LHFPL3: variants seen among roughly 807,000 people sequenced by gnomAD.
LHFPL3 encodes the protein LHFPL tetraspan subfamily member 3, also known as LHFPL tetraspan subfamily member 3 protein.
Under a neutral mutation model 19.3 loss-of-function variants are expected in LHFPL3, and 5 were observed. That is an observed-to-expected ratio of 0.26 (90% CI 0.14 to 0.54). The LOEUF (loss-of-function observed/expected upper bound fraction) is 0.54. LHFPL3 is among the 20% of genes least tolerant of loss of function. LHFPL3 has a pLI of 0.94. For synonymous variants in LHFPL3, 133 were observed against 126.2 expected (o/e 1.05, Z -0.36); for missense variants, 249 against 307.4 (o/e 0.81, Z 1.42).
At position 104,426,049 on chromosome 7, in the gene LHFPL3, C is replaced by T. The variant is rs79294635; in HGVS notation, c.445+96825C>T. 8.5e-3 allele frequency among the ~76,000 whole-genome samples: 1,293 copies of T among 152,316 alleles called. 23 individuals are homozygous for T. The highest frequency in any genetic ancestry group is 0.029 in the African/African-American group (1,218 of 41,560). ...AATGGCAAAATTATAGCTTCAAACA[C>T]ACACAGTAGTGTAAAATGTTCCCGT... On this transcript the variant is annotated intron_variant, in intron 1 of 2. Transcript: ENST00000424859.
chr7:104,902,403 A>C (rs1792504754), intron 2 of LHFPL3, among the ~76,000 whole-genome samples: 1 of 150,936 alleles, frequency 6.6e-6, no homozygotes, highest in African/African-American at 2.4e-5. Flanking sequence ...AAGAGGAGGA[A>C]GAGGAGGAGG....
Position 104,837,579 on chromosome 7 carries a change from G to A in LHFPL3, c.683-68608G>A, listed in dbSNP as rs75155177. On this transcript the variant is annotated intron_variant, in intron 2 of 2. Coordinates refer to ENST00000424859, the MANE Select transcript of LHFPL3 (RefSeq NM_199000.3). Reference sequence around the variant, plus strand: ...AACTGAGCCTTGAGGAGGTTGAGTAGTTCACCTGAGGACACACAGCTAGAA... The same window carrying A: ...AACTGAGCCTTGAGGAGGTTGAGTAATTCACCTGAGGACACACAGCTAGAA... 2.2e-3 allele frequency among the ~76,000 whole-genome samples: 331 copies of A among 152,290 alleles called. 5 individuals are homozygous for A. In the East Asian group the frequency reaches 0.035, roughly 16 times the overall value.
At chr7:104,896,238 A>G (rs370143003) in intron 2 of LHFPL3, among the ~76,000 whole-genome samples, 5 of 152,134 alleles carry the variant, frequency 3.3e-5, no homozygotes, top group African/African-American at 2.4e-5. Flanking sequence ...CTTTCAGTAA[A>G]CACCAGGGGT....
intron 1 of LHFPL3, among the ~76,000 whole-genome samples, chr7:104,732,403 C>A (rs1180135869): frequency 6.6e-6 from 1 of 152,052 alleles, no homozygotes; most frequent in East Asian, 1.9e-4. Flanking sequence ...AATGACAGAG[C>A]CTGTTATTGG....
In LHFPL3 at chr7:104,906,670, A is replaced by C. The variant is rs1792621962; in HGVS notation, c.*455A>C. On this transcript the variant is annotated 3_prime_UTR_variant, in exon 3 of 3. Transcript: ENST00000424859. ...CTAAATTATTCCTATCTCAATAGCCAAGAGGCTGATCAAGCGTCATTTATT... is the reference window on the plus strand; with the variant it reads ...CTAAATTATTCCTATCTCAATAGCCCAGAGGCTGATCAAGCGTCATTTATT... The C allele has an allele frequency of 6.4e-6, 1 of 155,164 alleles. No individual in the cohort carries two copies. The highest frequency in any genetic ancestry group is 1.4e-5 in the Non-Finnish European group (1 of 69,842). 9.6% of individuals were successfully genotyped at this position (155,164 alleles called of 1,614,324 possible).
rs1230759231 is a variant in LHFPL3, at chr7:104,608,082, C to G, written c.446-128593C>G. On this transcript the variant is annotated intron_variant, in intron 1 of 2. Transcript: ENST00000424859. ...ACTAGTTCAACCATTGTGGAAGTCA[C>G]TGCGGCGATTCCTCAGGGATCTAGA... 5.2e-3 allele frequency among the ~76,000 whole-genome samples: 792 copies of G among 152,150 alleles called. 15 individuals are homozygous for G. The highest frequency in any genetic ancestry group is 0.035 in the Admixed American group (531 of 15,224).
At chr7:104,354,824 G>A (rs532249781) in intron 1 of LHFPL3, among the ~76,000 whole-genome samples, 53 of 152,188 alleles carry the variant, frequency 3.5e-4, no homozygotes, top group Middle Eastern at 3.4e-3. Flanking sequence ...GGTGAAAGGA[G>A]ATGAGTGAAA....
At chr7:104,873,961 T>C (rs529595736) in intron 2 of LHFPL3, among the ~76,000 whole-genome samples, 26 of 152,348 alleles carry the variant, frequency 1.7e-4, no homozygotes, top group African/African-American at 6.3e-4. Context: ...ACTGGAGGGC[T>C]GGTAGTGAAG....
intron 1 of LHFPL3, among the ~76,000 whole-genome samples, chr7:104,558,541 G>A (rs1439494073): frequency 2.0e-5 from 3 of 151,666 alleles, no homozygotes; most frequent in Non-Finnish European, 4.4e-5. Context: ...TTTTTTTCTT[G>A]TAAATTTGTT....
Position 104,906,237 on chromosome 7 carries a change from A to G in LHFPL3, c.*22A>G. 15 of 1,603,224 alleles carry G rather than the reference A, an allele frequency of 9.4e-6. No homozygotes were observed. The highest frequency in any genetic ancestry group is 1.3e-5 in the Non-Finnish European group (15 of 1,174,318). ...ATGAGCACAAAACAAATCGAATAACAGCTAAACAAATCGAATAACAGCTAA... is the reference window on the plus strand; with the variant it reads ...ATGAGCACAAAACAAATCGAATAACGGCTAAACAAATCGAATAACAGCTAA... On this transcript the variant is annotated 3_prime_UTR_variant, in exon 3 of 3. Transcript: ENST00000424859.
intron 1 of LHFPL3, among the ~76,000 whole-genome samples, chr7:104,360,694 C>CTT (rs1790373800): frequency 6.9e-6 from 1 of 144,350 alleles, no homozygotes; most frequent in African/African-American, 2.6e-5. Context: ...AAAGTGCTTC[C>CTT]GTGTGTGTGT....
intron 2 of LHFPL3, among the ~76,000 whole-genome samples, chr7:104,828,389 C>T (rs925880183): frequency 4.6e-5 from 7 of 151,954 alleles, no homozygotes; most frequent in African/African-American, 1.7e-4. Context: ...AAAAGCCTCA[C>T]AGGATGGAAA....
intron 2 of LHFPL3, among the ~76,000 whole-genome samples, chr7:104,869,498 C>T (rs1791791633): frequency 1.3e-5 from 2 of 152,122 alleles, no homozygotes; most frequent in South Asian, 4.1e-4. Context: ...AAATGCTCAT[C>T]ATCACTGGCC....
chr7:104,904,959 A>T (rs1219552233), intron 2 of LHFPL3, among the ~76,000 whole-genome samples: 1 of 152,082 alleles, frequency 6.6e-6, no homozygotes, highest in African/African-American at 2.4e-5. Flanking sequence ...AAGAAACAAA[A>T]TTTTTTGTGT....
intron 2 of LHFPL3, among the ~76,000 whole-genome samples, chr7:104,881,414 T>C (rs1474599975): frequency 1.3e-5 from 2 of 152,180 alleles, no homozygotes; most frequent in Non-Finnish European, 2.9e-5. Flanking sequence ...AAGGATGACT[T>C]TGAGTCTTGA....
In LHFPL3 at chr7:104,378,029, G is replaced by A. The variant is rs568178253; in HGVS notation, c.445+48805G>A. ...TTTAAAAAACAAAAAACAAAAAACA[G>A]CTCTCTTGAGGTAGAATTTATATAC... On this transcript the variant is annotated intron_variant, in intron 1 of 2. Transcript: ENST00000424859. 2.6e-5 allele frequency among the ~76,000 whole-genome samples: 4 copies of A among 152,222 alleles called. No homozygotes were observed. The East Asian group carries it at 7.7e-4, about 29-fold the overall frequency.
At chr7:104,455,822 CTATT>C (rs1263329772) in intron 1 of LHFPL3, among the ~76,000 whole-genome samples, 1 of 152,132 alleles carries the variant, frequency 6.6e-6, no homozygotes, top group Non-Finnish European at 1.5e-5. Flanking sequence ...AATATTAAGA[CTATT>C]TGTAAGAAAA....
chr7:104,747,138 A>G (rs895039979), intron 2 of LHFPL3, among the ~76,000 whole-genome samples: 10 of 152,250 alleles, frequency 6.6e-5, no homozygotes, highest in Non-Finnish European at 1.5e-4. Flanking sequence ...TTATTCCTTT[A>G]CAACATTTAT....
intron 1 of LHFPL3, among the ~76,000 whole-genome samples, chr7:104,435,184 C>A (rs1167733270): frequency 6.6e-6 from 1 of 152,050 alleles, no homozygotes; most frequent in East Asian, 1.9e-4. Context: ...GCTCTGTAAC[C>A]CAGGCTGCAG....
Sources: allele counts gnomAD v4.1 joint callset (sites outside exome capture counted in the v4.1 genomes callset), GRCh38; gene constraint gnomAD v4.1.1; transcripts MANE v1.5; gene names NCBI Gene and HGNC (gene_info 2026-07-23, HGNC 2026-07-21).